The following ZNF808 variants were observed in gnomAD, a reference collection of about 807,000 sequenced individuals.
ZNF808 encodes the protein zinc finger protein 808.
A neutral mutation model predicts 8.7 loss-of-function variants in ZNF808; 5 were observed. The ratio of observed to expected loss-of-function variants is 0.58; its 90% CI spans 0.30 to 1.21. ZNF808 has a LOEUF of 1.21. ZNF808 is among the 50% of genes most tolerant of loss of function. The pLI is 0.07. For missense variants in ZNF808, 1,103 were observed against 1,098.4 expected (o/e 1.00, Z -0.06); for synonymous variants, 380 against 366.0 (o/e 1.04, Z -0.44).
At chr19:52,561,912 C>T (rs1011528483) in intron 3 of ZNF808, among the ~76,000 whole-genome samples, 6 of 152,200 alleles carry the variant, frequency 3.9e-5, no homozygotes, top group Non-Finnish European at 7.3e-5. Context: ...TTTTATGCTA[C>T]AGGCTCTAAA....
chr19:52,537,866 A>C (rs529698), intron 2 of ZNF808, among the ~76,000 whole-genome samples: 49,479 of 151,600 alleles, frequency 0.33, 8,688 homozygotes, highest in East Asian at 0.51. Context: ...TTCTATAAAT[A>C]TTGGTATCAG....
At chr19:52,536,724 A>AG in intron 2 of ZNF808, among the ~76,000 whole-genome samples, 1 of 152,130 alleles carries the variant, frequency 6.6e-6, no homozygotes, top group Non-Finnish European at 1.5e-5. Context: ...CAGAGGGAGA[A>AG]ACACAGCAGG....
Position 52,554,135 on chromosome 19 carries a change from G to A in ZNF808, c.1219G>A (p.Ala407Thr). Reference sequence around the variant, plus strand: ...ATACAAGTGTAATGAGTGTGGTAAGGCTTTTAATCATCAATCAAGCCTTGC... The same window carrying A: ...ATACAAGTGTAATGAGTGTGGTAAGACTTTTAATCATCAATCAAGCCTTGC... ...KTYKCNECGK[A>T]FNHQSSLARH... Residue 407 changes from alanine to threonine, a missense_variant, in exon 5 of 5, where the codon GCT (alanine) becomes ACT (threonine). Physicochemically the swap from Ala to Thr is moderately conservative, Grantham distance 58. Coordinates refer to ENST00000359798, the MANE Select transcript of ZNF808 (RefSeq NM_001039886.4). The A allele has an allele frequency of 6.2e-7, 1 of 1,614,000 alleles. No individual in the cohort carries two copies. Among genetic ancestry groups the A allele is most frequent in the Non-Finnish European group, 8.5e-7 (1 of 1,179,990 alleles).
chr19:52,540,534 A>G (rs561447801), intron 2 of ZNF808, among the ~76,000 whole-genome samples: 1 of 152,330 alleles, frequency 6.6e-6, no homozygotes, highest in African/African-American at 2.4e-5. Context: ...AATGATATCA[A>G]GGACCTTTTT....
At position 52,537,687 on chromosome 19, in the gene ZNF808, CAAA is replaced by C. The variant is rs11330924; in HGVS notation, c.-20+4692_-20+4694del. On this transcript the variant is annotated intron_variant, in intron 2 of 4. Transcript: ENST00000359798. ...TGGTCAAAAGAGCAAGACCCTGTCT[CAAA>C]AAAAAAAAAAAAAGGGTGGGGGACT... 3.8e-4 allele frequency among the ~76,000 whole-genome samples: 45 copies of C among 117,008 alleles called. 1 individual carries two copies. The highest frequency in any genetic ancestry group is 7.6e-4 in the African/African-American group (26 of 34,304). 76.8% of individuals were successfully genotyped at this position (117,008 alleles called of 152,430 possible).
At chr19:52,557,332 T>G (rs1487946430), downstream of ZNF808, among the ~76,000 whole-genome samples, 1 of 150,622 alleles carries the variant, frequency 6.6e-6, no homozygotes, top group Non-Finnish European at 1.5e-5. Flanking sequence ...AATGGTGCGA[T>G]CTGGTGTCAC....
At chr19:52,549,849 C>G (rs2931760) in intron 4 of ZNF808, among the ~76,000 whole-genome samples, 8,513 of 152,076 alleles carry the variant, frequency 0.056, 679 homozygotes, top group African/African-American at 0.19. Flanking sequence ...CTGAGTAAGT[C>G]AAGACCTTGT....
rs769574616 is a variant in ZNF808, at chr19:52,554,962, G to A, written c.2046G>A (p.Lys682=). 2.5e-6 allele frequency: 4 copies of A among 1,613,984 alleles called. No individual in the cohort carries two copies. The highest frequency in any genetic ancestry group is 2.5e-6 in the Non-Finnish European group (3 of 1,180,006). The change falls in exon 5 of 5, where the codon AAG becomes AAA. Residue 682 remains lysine, a synonymous_variant. Coordinates refer to ENST00000359798, the MANE Select transcript of ZNF808 (RefSeq NM_001039886.4). ...GTGGAGAGAAATCTTACAAATGTAAGGTTTGTGACAAGGCTTTCGTGTGTC... is the reference window on the plus strand; with the variant it reads ...GTGGAGAGAAATCTTACAAATGTAAAGTTTGTGACAAGGCTTTCGTGTGTC... ...LHGGEKSYKC[K]VCDKAFVCRS... is the part of the protein sequence containing the mutation.
At chr19:52,539,780 T>G (rs1455366944) in intron 2 of ZNF808, among the ~76,000 whole-genome samples, 6 of 151,812 alleles carry the variant, frequency 4.0e-5, no homozygotes, top group African/African-American at 1.5e-4. Context: ...CTTGAACTCC[T>G]GACCTCAGGT....
intron 2 of ZNF808, among the ~76,000 whole-genome samples, chr19:52,541,937 A>C (rs1210218048): frequency 6.6e-6 from 1 of 152,174 alleles, no homozygotes; most frequent in African/African-American, 2.4e-5. Context: ...TGCACATCTC[A>C]GATGAGAGTG....
At chr19:52,547,200 G>A (rs2037989059) in intron 3 of ZNF808, among the ~76,000 whole-genome samples, 1 of 151,910 alleles carries the variant, frequency 6.6e-6, no homozygotes, top group Admixed American at 6.6e-5. Context: ...TGCCCAACTT[G>A]GCCTCCTGAA....
intron 3 of ZNF808, among the ~76,000 whole-genome samples, chr19:52,544,677 T>G (rs992501938): frequency 6.6e-6 from 1 of 152,160 alleles, no homozygotes; most frequent in African/African-American, 2.4e-5. Flanking sequence ...TGGAGTGCAG[T>G]GGTGCAATCA....
At chr19:52,534,239 C>G (rs1599952834) in intron 2 of ZNF808, among the ~76,000 whole-genome samples, 2 of 152,150 alleles carry the variant, frequency 1.3e-5, no homozygotes, top group South Asian at 4.1e-4. Flanking sequence ...GGGTTTCTCC[C>G]CCTCCCTCGG....
downstream of ZNF808, among the ~76,000 whole-genome samples, chr19:52,558,849 CAT>C (rs374447385): frequency 1.1e-3 from 173 of 152,344 alleles, 3 homozygotes; most frequent in East Asian, 0.018. Flanking sequence ...CTGGCAGAAA[CAT>C]GTGCTGTGTC....
downstream of ZNF808, among the ~76,000 whole-genome samples, chr19:52,565,135 G>T (rs746443543): frequency 6.6e-6 from 1 of 152,010 alleles, no homozygotes; most frequent in Non-Finnish European, 1.5e-5. Flanking sequence ...AATTAGGCGG[G>T]CATGGTGGCA....
chr19:52,541,701 A>T (rs577577599), intron 2 of ZNF808, among the ~76,000 whole-genome samples: 11 of 151,730 alleles, frequency 7.2e-5, no homozygotes, highest in East Asian at 5.8e-4. Flanking sequence ...AAAAAAAAGC[A>T]CAAGATGATT....
At chr19:52,535,374 C>T (rs1052558012) in intron 2 of ZNF808, among the ~76,000 whole-genome samples, 10 of 147,156 alleles carry the variant, frequency 6.8e-5, no homozygotes, top group Admixed American at 3.4e-4. Flanking sequence ...AGGAAAAGAG[C>T]GAGGGAGAGA....
chr19:52,542,065 C>T (rs1046783560), intron 2 of ZNF808, among the ~76,000 whole-genome samples: 17 of 151,532 alleles, frequency 1.1e-4, no homozygotes, highest in South Asian at 2.1e-4. Flanking sequence ...TAGATGTATA[C>T]GTGAAAAGAG....
intron 4 of ZNF808, among the ~76,000 whole-genome samples, chr19:52,552,364 T>A (rs1489610556): frequency 6.6e-6 from 1 of 151,896 alleles, no homozygotes; most frequent in Non-Finnish European, 1.5e-5. Context: ...TGTAGATATA[T>A]ATAATTTTAT....
Sources: allele counts gnomAD v4.1 joint callset (sites outside exome capture counted in the v4.1 genomes callset), GRCh38; gene constraint gnomAD v4.1.1; transcripts MANE v1.5; gene names NCBI Gene and HGNC (gene_info 2026-07-23, HGNC 2026-07-21).